The following TENT4A variants were observed in gnomAD, a reference collection of about 807,000 sequenced individuals.
TENT4A encodes DNA polymerase kappa.
A neutral mutation model predicts 72.8 loss-of-function variants in TENT4A; 7 were observed. The ratio of observed to expected loss-of-function variants is 0.10; its 90% CI spans 0.05 to 0.18. The LOEUF (loss-of-function observed/expected upper bound fraction) is 0.18. TENT4A is among the 10% of genes least tolerant of loss of function. The pLI is 1.00. For missense variants in TENT4A, 831 were observed against 1,017.7 expected, an observed-to-expected ratio of 0.82 and a Z score of 2.50; for synonymous variants, 456 against 434.3, an observed-to-expected ratio of 1.05 and a Z score of -0.62.
rs960882391 is a variant in TENT4A, at chr5:6,742,538, A to G, written c.1057A>G (p.Ile353Val). 2 of 1,613,380 alleles carry G rather than the reference A, an allele frequency of 1.2e-6. No individual in the cohort carries two copies. The highest frequency in any genetic ancestry group is 2.7e-5 in the African/African-American group (2 of 74,932). Reference protein sequence around the residue: ...TDQETEVKVDISFNMETGVRA... With the variant: ...TDQETEVKVDVSFNMETGVRA... ...TCAGGAGACTGAAGTGAAAGTTGAC[A>G]TCAGCTTTAACATGGAGACGGGCGT... Residue 353 changes from isoleucine to valine, a missense_variant, in exon 5 of 13, where the codon ATC becomes GTC. Ile to Val is a conservative substitution (Grantham distance 29). Coordinates refer to ENST00000230859, the MANE Select transcript of TENT4A (RefSeq NM_006999.6).
In TENT4A at chr5:6,753,004, C is replaced by A. The variant is rs1742497429; in HGVS notation, c.2151C>A (p.Pro717=). ...MSSPAIPSAS[P]NPLSSPHLYH... is the part of the protein sequence containing the mutation. ...CCCCGGCCATTCCCTCAGCGTCCCC[C>A]AACCCGCTCTCGAGCCCTCATCTGT... Residue 717 remains proline, a synonymous_variant, in exon 12 of 13, where the codon CCC becomes CCA. Transcript: ENST00000230859. 6.2e-7 allele frequency: 1 copy of A among 1,614,224 alleles called. No homozygotes were observed. The highest frequency in any genetic ancestry group is 2.2e-5 in the East Asian group (1 of 44,884).
rs1379216481 is a variant in TENT4A, at chr5:6,713,605, C to G, written c.-379C>G. 6.8e-6 allele frequency: 1 copy of G among 147,606 alleles called. No homozygotes were observed. The highest frequency in any genetic ancestry group is 2.5e-5 in the African/African-American group (1 of 40,814). 9.1% of individuals were successfully genotyped at this position (147,606 alleles called of 1,614,324 possible). ...TGGGCCCGCCCCCTCGGCCCCGCCG[C>G]CCGCCCTTCTCCGATGGCCTCTCCC... On this transcript the variant is annotated 5_prime_UTR_variant, in exon 1 of 13. Coordinates refer to ENST00000230859, the MANE Select transcript of TENT4A (RefSeq NM_006999.6).
intron 1 of TENT4A, among the ~76,000 whole-genome samples, chr5:6,715,459 G>T (rs1459050754): frequency 6.6e-6 from 1 of 152,216 alleles, no homozygotes; most frequent in African/African-American, 2.4e-5. Flanking sequence ...GGCTGTTCAG[G>T]TGTGATGCTG....
At chr5:6,746,683 G>A (rs1467838587) in intron 7 of TENT4A, among the ~76,000 whole-genome samples, 1 of 152,106 alleles carries the variant, frequency 6.6e-6, no homozygotes, top group African/African-American at 2.4e-5. Context: ...TCTGATTATT[G>A]AAGTATAACA....
chr5:6,715,543 T>A (rs1416779620), intron 1 of TENT4A, among the ~76,000 whole-genome samples: 3 of 152,254 alleles, frequency 2.0e-5, no homozygotes, highest in African/African-American at 7.2e-5. Context: ...TGTATGTCAG[T>A]ATTTTAAGAC....
intron 1 of TENT4A, among the ~76,000 whole-genome samples, chr5:6,733,270 G>C (rs1318617168): frequency 6.6e-6 from 1 of 152,268 alleles, no homozygotes; most frequent in Non-Finnish European, 1.5e-5. Context: ...GCCGCCTGAG[G>C]CTGCAGGGGA....
At chr5:6,714,751 C>A (rs996626468) in intron 1 of TENT4A, 52 bp downstream of exon 1, 19 of 1,084,252 alleles carry the variant, frequency 1.8e-5, no homozygotes, top group African/African-American at 5.0e-5. Flanking sequence ...TGGTCCTGGC[C>A]GGCGCCCGCG....
At chr5:6,718,362 G>A (rs1740485373) in intron 1 of TENT4A, among the ~76,000 whole-genome samples, 1 of 152,224 alleles carries the variant, frequency 6.6e-6, no homozygotes, top group African/African-American at 2.4e-5. Flanking sequence ...AAGTAGAGCA[G>A]GTGTGACCTG....
chr5:6,714,768 A>G (rs1740278767), intron 1 of TENT4A, 69 bp downstream of exon 1: 20 of 526,020 alleles, frequency 3.8e-5, no homozygotes, highest in Non-Finnish European at 4.8e-5. Context: ...CGCGGTGCAG[A>G]CACCCGTCCC....
At position 6,714,481 on chromosome 5, in the gene TENT4A, C is replaced by A; in HGVS notation, c.498C>A (p.His166Gln). 1.7e-6 allele frequency: 2 copies of A among 1,183,630 alleles called. No homozygotes were observed. The allele number at this position is 1,183,630 out of a possible 1,614,324, so 73.3% of individuals were successfully genotyped here. A position where few individuals can be genotyped will look rare whatever the true frequency, so the allele number is the denominator to read the frequency against. Residue 166 changes from histidine (H) to glutamine (Q), a missense_variant, in exon 1 of 13, where the codon CAC becomes CAA. His to Gln is a conservative substitution (Grantham distance 24). Transcript: ENST00000230859. ...GCGCCCCTGGCACAGCCAACGGGCA[C>A]CCCGGGCCGCGCGGCCCCGCGCCCG... Reference protein sequence around the residue: ...APSAPGTANGHPGPRGPAPAG... With the variant: ...APSAPGTANGQPGPRGPAPAG...
rs111451280 is a variant in TENT4A at position 6,714,677 on chromosome 5, G to A, written c.694G>A (p.Ala232Thr). Residue 232 changes from alanine to threonine, a missense_variant, in exon 1 of 13, where the codon GCG becomes ACG. Physicochemically the swap from Ala to Thr is moderately conservative, Grantham distance 58. Around this residue, in one of 3 missense-constraint regions of TENT4A, gnomAD observed 302 missense variants for 293.8 expected, o/e 1.03. Coordinates refer to ENST00000230859, the MANE Select transcript of TENT4A (RefSeq NM_006999.6). ...GCCCGGCACCCCGTGGAAGAGCCGC[G>A]CGTACAGCCCGGGCATCCAGGGGTG... The part of the protein sequence containing the change: ...PRPGTPWKSR[A>T]YSPGIQGLHE... The A allele has an allele frequency of 7.5e-6, 9 of 1,195,582 alleles. No homozygotes were observed. The East Asian group carries it at 1.1e-4, about 14-fold the overall frequency. The allele number at this position is 1,195,582 out of a possible 1,614,324, so 74.1% of individuals were successfully genotyped here.
chr5:6,719,527 G>C (rs1740548351), intron 1 of TENT4A, among the ~76,000 whole-genome samples: 1 of 152,180 alleles, frequency 6.6e-6, no homozygotes, highest in South Asian at 2.1e-4. Flanking sequence ...CTTTCTAGGA[G>C]GTGTGGCTGG....
At position 6,743,720 on chromosome 5, in the gene TENT4A, A is replaced by G. The variant is rs141878766; in HGVS notation, c.1125A>G (p.Ser375=). Residue 375 remains serine (S), a synonymous_variant, in exon 6 of 13, where the codon TCA becomes TCG. Coordinates refer to ENST00000230859, the MANE Select transcript of TENT4A (RefSeq NM_006999.6). ...TCTTTTGGAATTTACAGAAATATTC[A>G]TTGCTGCCTTACTTGATTTTAGTAT... ...EFIKNYMKKY[S]LLPYLILVLK... 1.2e-6 allele frequency: 2 copies of G among 1,606,922 alleles called. No homozygotes were observed. The highest frequency in any genetic ancestry group is 1.1e-5 in the South Asian group (1 of 90,004).
At chr5:6,743,632 G>A in intron 5 of TENT4A, 80 bp from the exon 6 acceptor site, 2 of 1,175,344 alleles carry the variant, frequency 1.7e-6, no homozygotes, top group Non-Finnish European at 2.4e-6. Context: ...TTTCCTTTCT[G>A]TCTTGTGTGA....
At chr5:6,754,240 C>T (rs1268166674) in intron 12 of TENT4A, among the ~76,000 whole-genome samples, 1 of 152,196 alleles carries the variant, frequency 6.6e-6, no homozygotes, top group African/African-American at 2.4e-5. Flanking sequence ...GTGATCTCAG[C>T]TCACTGCAAC....
chr5:6,714,640 C>G lies in TENT4A; in HGVS notation c.657C>G (p.Ala219=), dbSNP rs1468308871. The change falls in exon 1 of 13, where the codon GCC becomes GCG. Residue 219 remains alanine, a synonymous_variant. Coordinates refer to ENST00000230859, the MANE Select transcript of TENT4A (RefSeq NM_006999.6). Reference sequence around the variant, plus strand: ...TCAGCGGAGGGGGCGGCCCCGGGGCCCAGGCGCCGCGGCCCGGCACCCCGT... The same window carrying G: ...TCAGCGGAGGGGGCGGCCCCGGGGCGCAGGCGCCGCGGCCCGGCACCCCGT... ...AALSGGGGPG[A]QAPRPGTPWK... is the part of the protein sequence containing the mutation. 2 of 1,199,140 alleles carry G rather than the reference C, an allele frequency of 1.7e-6. No individual in the cohort carries two copies. Among genetic ancestry groups the G allele is most frequent in the African/African-American group, 3.2e-5 (2 of 63,026 alleles). The allele number at this position is 1,199,140 out of a possible 1,614,324, so 74.3% of individuals were successfully genotyped here. A position where few individuals can be genotyped will look rare whatever the true frequency, so the allele number is the denominator to read the frequency against.
chr5:6,736,504 G>T (rs1741507649), intron 1 of TENT4A, among the ~76,000 whole-genome samples: 2 of 152,226 alleles, frequency 1.3e-5, no homozygotes, highest in South Asian at 4.1e-4. Flanking sequence ...TAGAATGGAA[G>T]CAGGTGAGTT....
At position 6,714,526 on chromosome 5, in the gene TENT4A, C is replaced by T. The variant is rs1740260038; in HGVS notation, c.543C>T (p.His181=). 8.4e-7 allele frequency: 1 copy of T among 1,193,396 alleles called. No homozygotes were observed. Among genetic ancestry groups the T allele is most frequent in the Non-Finnish European group, 1.0e-6 (1 of 963,214 alleles). 73.9% of individuals were successfully genotyped at this position (1,193,396 alleles called of 1,614,324 possible). A position where few individuals can be genotyped will look rare whatever the true frequency, so the allele number is the denominator to read the frequency against. ...GPAPAGSPSQ[H]QFHPGRRKRE... The stretch of plus-strand genomic sequence containing the variant: ...CGCCCGCCGGCTCCCCGTCGCAGCA[C>T]CAGTTCCACCCGGGTCGCCGGAAAC... The change falls in exon 1 of 13, where the codon CAC becomes CAT. Residue 181 remains histidine (H), a synonymous_variant. Transcript: ENST00000230859.
chr5:6,718,623 C>T (rs1740501845), intron 1 of TENT4A, among the ~76,000 whole-genome samples: 1 of 152,196 alleles, frequency 6.6e-6, no homozygotes, highest in Admixed American at 6.5e-5. Flanking sequence ...GATACTTGCT[C>T]CTGCACTGTT....
Sources: gnomAD v4.1 joint callset for allele counts (sites outside exome capture counted in the v4.1 genomes callset) on GRCh38, gnomAD v4.1.1 for gene constraint, gnomAD v4.1.1 regional missense constraint, MANE v1.5 for transcripts, NCBI Gene and HGNC (gene_info 2026-07-23, HGNC 2026-07-21) for gene names.